Variants in OPCML observed in about 807,000 individuals in gnomAD.
The protein encoded by OPCML is opioid-binding protein/cell adhesion molecule.
A neutral mutation model predicts 37.8 loss-of-function variants in OPCML; 13 were observed. That is an observed-to-expected ratio of 0.34 (90% CI 0.22 to 0.55). The LOEUF (loss-of-function observed/expected upper bound fraction) is 0.55. Among genes scored for constraint, OPCML ranks in the 20% least tolerant of loss-of-function variants. OPCML has a pLI of 0.91. For missense variants in OPCML, 341 were observed against 435.6 expected, an observed-to-expected ratio of 0.78 and a Z score of 1.93; for synonymous variants, 176 against 168.8, an observed-to-expected ratio of 1.04 and a Z score of -0.33.
intron 1 of OPCML, among the ~76,000 whole-genome samples, chr11:133,185,628 G>A (rs562333137): frequency 6.6e-6 from 1 of 152,270 alleles, no homozygotes; most frequent in Non-Finnish European, 1.5e-5. Flanking sequence ...GAATAGATGG[G>A]GTTAGGGAAT....
intron 3 of OPCML, among the ~76,000 whole-genome samples, chr11:132,572,786 A>G (rs1274480523): frequency 6.6e-6 from 1 of 152,036 alleles, no homozygotes; most frequent in East Asian, 1.9e-4. Flanking sequence ...ATTTCTGTAG[A>G]AAAGTCTCTG....
intron 1 of OPCML, among the ~76,000 whole-genome samples, chr11:133,053,011 T>C (rs1192996505): frequency 1.3e-5 from 2 of 152,244 alleles, no homozygotes; most frequent in African/African-American, 4.8e-5. Context: ...ATTCTATTCA[T>C]TGCAACCACA....
chr11:133,423,187 A>G (rs2136899410), intron 1 of OPCML: 2 of 985,358 alleles, frequency 2.0e-6, no homozygotes, highest in Non-Finnish European at 2.4e-6. Flanking sequence ...TTTTAACTTT[A>G]TTCTTCAGTA....
chr11:132,680,516 T>C (rs1321106852), intron 2 of OPCML, among the ~76,000 whole-genome samples: 1 of 152,110 alleles, frequency 6.6e-6, no homozygotes, highest in African/African-American at 2.4e-5. Context: ...AAATTTCAGG[T>C]TCGGAACCTT....
At chr11:133,235,484 A>T (rs1266395680) in intron 1 of OPCML, among the ~76,000 whole-genome samples, 2 of 152,232 alleles carry the variant, frequency 1.3e-5, no homozygotes, top group African/African-American at 2.4e-5. Flanking sequence ...GAAAAAAGCA[A>T]CTAGAAAGGA....
intron 2 of OPCML, among the ~76,000 whole-genome samples, chr11:132,815,769 T>C (rs907943644): frequency 2.9e-4 from 44 of 152,230 alleles, no homozygotes; most frequent in African/African-American, 1.0e-3. Flanking sequence ...CTCATGTTTA[T>C]ATGTTGTGAC....
intron 1 of OPCML, among the ~76,000 whole-genome samples, chr11:133,505,868 C>G (rs533547702): frequency 1.3e-5 from 2 of 152,298 alleles, no homozygotes; most frequent in South Asian, 4.1e-4. Flanking sequence ...TTTCCACACT[C>G]CCGGCCGACC....
chr11:133,218,699 C>T (rs946117134), intron 1 of OPCML, among the ~76,000 whole-genome samples: 1 of 152,058 alleles, frequency 6.6e-6, no homozygotes, highest in Non-Finnish European at 1.5e-5. Context: ...CCAGGGATTG[C>T]CTGGACACAC....
At chr11:132,723,929 G>T (rs1944773465) in intron 2 of OPCML, among the ~76,000 whole-genome samples, 1 of 152,210 alleles carries the variant, frequency 6.6e-6, no homozygotes, top group Non-Finnish European at 1.5e-5. Flanking sequence ...CAGGCCTTGA[G>T]GTGCATGGCA....
intron 2 of OPCML, among the ~76,000 whole-genome samples, chr11:132,701,809 G>T (rs1226719572): frequency 8.1e-6 from 1 of 123,578 alleles, no homozygotes. Context: ...GGTGGTGGGC[G>T]TGTGCTTTCC....
intron 1 of OPCML, among the ~76,000 whole-genome samples, chr11:133,269,135 C>T (rs528503097): frequency 2.6e-5 from 4 of 152,262 alleles, no homozygotes; most frequent in East Asian, 3.9e-4. Flanking sequence ...ATTAGGAAAG[C>T]CTCTTTATGT....
At chr11:133,099,440 T>C (rs1949053854) in intron 1 of OPCML, among the ~76,000 whole-genome samples, 2 of 119,144 alleles carry the variant, frequency 1.7e-5, no homozygotes, top group South Asian at 5.7e-4. Context: ...TTTTCTTTTT[T>C]TCTTTTTTTT....
In OPCML at chr11:132,768,327, C is replaced by T. The variant is rs765668338; in HGVS notation, c.147-111008G>A. On this transcript the variant is annotated intron_variant, in intron 2 of 7. Transcript: ENST00000524381. ...ACTGGTGAATGGCTTGCCCCCATTC[C>T]GTCGATCTCTACATGACACTATCAA... Among the ~76,000 whole-genome samples the T allele has an allele frequency of 3.3e-5, 5 of 152,134 alleles. 1 individual carries two copies. Among genetic ancestry groups the T allele is most frequent in the South Asian group, 4.1e-4 (2 of 4,824 alleles).
intron 4 of OPCML, among the ~76,000 whole-genome samples, chr11:132,514,982 T>C (rs1036921400): frequency 1.3e-5 from 2 of 151,948 alleles, no homozygotes; most frequent in Non-Finnish European, 2.9e-5. Context: ...CAGGGACAAA[T>C]AAGCATGGGC....
chr11:132,581,909 A>T (rs1314532987), intron 3 of OPCML, among the ~76,000 whole-genome samples: 1 of 152,062 alleles, frequency 6.6e-6, no homozygotes, highest in Non-Finnish European at 1.5e-5. Flanking sequence ...ACACCTGCCC[A>T]TGATAAGGAA....
intron 1 of OPCML, among the ~76,000 whole-genome samples, chr11:133,001,606 A>T: frequency 6.6e-6 from 1 of 152,226 alleles, no homozygotes; most frequent in East Asian, 1.9e-4. Context: ...AGGAGTTATC[A>T]TGTCACATAT....
chr11:132,807,930 A>C (rs1939109036), intron 2 of OPCML, among the ~76,000 whole-genome samples: 1 of 152,214 alleles, frequency 6.6e-6, no homozygotes, highest in Non-Finnish European at 1.5e-5. Flanking sequence ...TCTGATTTGT[A>C]ATCTGGGCAA....
At chr11:133,348,214 G>A (rs1944044755) in intron 1 of OPCML, among the ~76,000 whole-genome samples, 1 of 152,138 alleles carries the variant, frequency 6.6e-6, no homozygotes, top group Non-Finnish European at 1.5e-5. Flanking sequence ...TGATTGTGAT[G>A]AATAAGATCC....
chr11:132,667,509 C>T (rs1307101092), intron 2 of OPCML, among the ~76,000 whole-genome samples: 1 of 152,060 alleles, frequency 6.6e-6, no homozygotes, highest in African/African-American at 2.4e-5. Context: ...TCAATGGGAG[C>T]AAGTGCTAAT....
Sources: allele counts gnomAD v4.1 joint callset (sites outside exome capture counted in the v4.1 genomes callset), GRCh38; gene constraint gnomAD v4.1.1; transcripts MANE v1.5; gene names NCBI Gene and HGNC (gene_info 2026-07-23, HGNC 2026-07-21).